The following RORA variants were observed in gnomAD, a reference collection of about 807,000 sequenced individuals.
RORA encodes the protein RAR related orphan receptor A, also known as nuclear receptor ROR-alpha.
In RORA, 7 loss-of-function variants were observed where a neutral mutation model predicts 69.5. That is an observed-to-expected ratio of 0.10 (90% CI 0.06 to 0.19). The LOEUF (loss-of-function observed/expected upper bound fraction) is 0.19. RORA is among the 10% of genes least tolerant of loss of function. The probability of loss-of-function intolerance (pLI) is 1.00; values close to 1 mark genes in which losing one functional copy is unlikely to be tolerated. For synonymous variants in RORA, 261 were observed against 240.8 expected (o/e 1.08, Z -0.78); for missense variants, 457 against 663.0 (o/e 0.69, Z 3.41).
At chr15:60,500,938 A>AT in intron 9 of RORA, 21 bp downstream of exon 9, 1 of 1,365,680 alleles carries the variant, frequency 7.3e-7, no homozygotes, top group South Asian at 1.2e-5. Context: ...AACCATTTTT[A>AT]TTTTTATTTG....
chr15:61,158,212 G>A (rs773923482), intron 1 of RORA, among the ~76,000 whole-genome samples: 14 of 152,272 alleles, frequency 9.2e-5, no homozygotes, highest in Middle Eastern at 3.4e-3. Flanking sequence ...TGGAGTGCTC[G>A]AAGTGACAGT....
intron 1 of RORA, among the ~76,000 whole-genome samples, chr15:61,114,168 C>CA (rs2079030769): frequency 6.6e-6 from 1 of 151,410 alleles, no homozygotes; most frequent in Non-Finnish European, 1.5e-5. Flanking sequence ...ACTGGAGAGA[C>CA]TTTTTTTTTA....
intron 1 of RORA, among the ~76,000 whole-genome samples, chr15:60,909,403 G>A (rs1414333213): frequency 6.6e-6 from 1 of 152,156 alleles, no homozygotes; most frequent in Non-Finnish European, 1.5e-5. Flanking sequence ...ACCTAGGTGG[G>A]CTAACGGGAA....
intron 1 of RORA, among the ~76,000 whole-genome samples, chr15:60,846,264 CGTACT>C (rs1352842972): frequency 2.6e-5 from 4 of 152,152 alleles, no homozygotes; most frequent in African/African-American, 9.7e-5. Context: ...CATTGGTGCC[CGTACT>C]GTGATTTATC....
chr15:60,678,347 G>T (rs2070585900), intron 2 of RORA: 1 of 235,616 alleles, frequency 4.2e-6, no homozygotes, highest in Admixed American at 5.5e-5. Flanking sequence ...TTCTAAGAAG[G>T]ATCTAGGATA....
At chr15:60,954,367 C>CATATAT (rs1470207034) in intron 1 of RORA, among the ~76,000 whole-genome samples, 1 of 148,540 alleles carries the variant, frequency 6.7e-6, no homozygotes, top group Non-Finnish European at 1.5e-5. Context: ...GGGTGCAGCG[C>CATATAT]ACCAGCATGG....
chr15:60,499,827 T>C, intron 10 of RORA, 65 bp downstream of exon 10: 1 of 858,938 alleles, frequency 1.2e-6, no homozygotes, highest in Admixed American at 2.3e-5. Context: ...CATGACCATA[T>C]TGGCAGCATG....
chr15:60,832,945 C>T (rs2073064322), intron 1 of RORA, among the ~76,000 whole-genome samples: 2 of 152,072 alleles, frequency 1.3e-5, no homozygotes, highest in South Asian at 2.1e-4. Context: ...CACTGTGTCG[C>T]CCAGGCTGGA....
intron 1 of RORA, among the ~76,000 whole-genome samples, chr15:61,140,370 TTGATTAA>T (rs1894041437): frequency 6.6e-6 from 1 of 152,214 alleles, no homozygotes; most frequent in African/African-American, 2.4e-5. Flanking sequence ...GTAGGTGTGC[TTGATTAA>T]TAACCCCCGC....
At chr15:60,954,772 A>G (rs1893218533) in intron 1 of RORA, among the ~76,000 whole-genome samples, 1 of 152,138 alleles carries the variant, frequency 6.6e-6, no homozygotes, top group African/African-American at 2.4e-5. Context: ...AGACTCCAAG[A>G]CCAGTTATTT....
chr15:60,870,480 A>G (rs1192581399), intron 1 of RORA, among the ~76,000 whole-genome samples: 1 of 152,164 alleles, frequency 6.6e-6, no homozygotes, highest in East Asian at 1.9e-4. Flanking sequence ...TCTGGACCCA[A>G]GGAGGTAGTG....
At chr15:60,978,540 A>G (rs769888072) in intron 1 of RORA, among the ~76,000 whole-genome samples, 8 of 152,146 alleles carry the variant, frequency 5.3e-5, no homozygotes, top group Non-Finnish European at 1.2e-4. Flanking sequence ...CCAATTTACC[A>G]ATTTTTTTCT....
intron 1 of RORA, among the ~76,000 whole-genome samples, chr15:60,694,713 G>C (rs909478658): frequency 6.6e-6 from 1 of 152,156 alleles, no homozygotes; most frequent in Non-Finnish European, 1.5e-5. Flanking sequence ...ACAGCCAAGT[G>C]TTCCCTTGTC....
At chr15:60,517,746 C>G (rs2066013737) in intron 3 of RORA, among the ~76,000 whole-genome samples, 1 of 152,220 alleles carries the variant, frequency 6.6e-6, no homozygotes, top group Non-Finnish European at 1.5e-5. Flanking sequence ...ACTGTGGATG[C>G]TTAAAATCAG....
chr15:60,625,312 T>C (rs973512018), intron 2 of RORA, among the ~76,000 whole-genome samples: 5 of 152,236 alleles, frequency 3.3e-5, no homozygotes, highest in African/African-American at 1.2e-4. Context: ...TTATTCATTA[T>C]GTTTGGTGAG....
At chr15:60,678,806 A>C (rs2070594606) in intron 1 of RORA, 120 bp from the exon 2 acceptor site, 1 of 790,336 alleles carries the variant, frequency 1.3e-6, no homozygotes. Flanking sequence ...TGGAAGCAAG[A>C]CCAGTTTTAA....
chr15:60,887,576 C>T (rs1040091032), intron 1 of RORA, among the ~76,000 whole-genome samples: 2 of 152,158 alleles, frequency 1.3e-5, no homozygotes, highest in African/African-American at 2.4e-5. Context: ...TCTTTTCATG[C>T]ATGTTGGATG....
chr15:60,564,275 A>G (rs2067655165), intron 2 of RORA, among the ~76,000 whole-genome samples: 1 of 152,186 alleles, frequency 6.6e-6, no homozygotes, highest in Non-Finnish European at 1.5e-5. Context: ...GAGTTGTTGA[A>G]AGTTAAAAGT....
At chr15:60,955,333 G>A (rs758892317) in intron 1 of RORA, among the ~76,000 whole-genome samples, 2 of 152,094 alleles carry the variant, frequency 1.3e-5, no homozygotes, top group Admixed American at 6.5e-5. Flanking sequence ...TAATTGTAAC[G>A]TGTATGTGTT....
Sources: allele counts gnomAD v4.1 joint callset (sites outside exome capture counted in the v4.1 genomes callset), GRCh38; gene constraint gnomAD v4.1.1; transcripts MANE v1.5; gene names NCBI Gene and HGNC (gene_info 2026-07-23, HGNC 2026-07-21).